PCSK5: variants seen among roughly 807,000 people sequenced by gnomAD.
The protein encoded by PCSK5 is prohormone convertase 5.
A neutral mutation model predicts 233.2 loss-of-function variants in PCSK5; 129 were observed. That is an observed-to-expected ratio of 0.55 (90% CI 0.48 to 0.64). The LOEUF is 0.64. PCSK5 is among the 30% of genes least tolerant of loss of function. The pLI is 0.00. For synonymous variants in PCSK5, 825 were observed against 879.2 expected, an observed-to-expected ratio of 0.94 and a Z score of 1.09; for missense variants, 2,076 against 2,430.1, an observed-to-expected ratio of 0.85 and a Z score of 3.06.
At chr9:76,251,337 G>A (rs1826796517) in intron 24 of PCSK5, among the ~76,000 whole-genome samples, 1 of 152,054 alleles carries the variant, frequency 6.6e-6, no homozygotes, top group Non-Finnish European at 1.5e-5. Context: ...GCCAAGGCGG[G>A]TGGATCATGA....
intron 24 of PCSK5, among the ~76,000 whole-genome samples, chr9:76,282,396 T>G: frequency 6.8e-6 from 1 of 147,284 alleles, no homozygotes; most frequent in Non-Finnish European, 1.5e-5. Flanking sequence ...CTTGACTCAC[T>G]GCAGCCTTGA....
intron 8 of PCSK5, among the ~76,000 whole-genome samples, chr9:76,096,898 C>T (rs1391717959): frequency 6.6e-6 from 1 of 151,666 alleles, no homozygotes; most frequent in Non-Finnish European, 1.5e-5. Context: ...CACTGCGCCC[C>T]ACCAAAAGGT....
chr9:76,134,015 A>G, intron 9 of PCSK5, 94 bp from the exon 10 acceptor site: 4 of 817,618 alleles, frequency 4.9e-6, no homozygotes, highest in South Asian at 3.1e-5. Context: ...GTACTTTGCC[A>G]TTTTGATTTT....
At chr9:76,199,806 C>A (rs1245283573) in intron 20 of PCSK5, among the ~76,000 whole-genome samples, 1 of 152,112 alleles carries the variant, frequency 6.6e-6, no homozygotes, top group Non-Finnish European at 1.5e-5. Flanking sequence ...TCTCTTCCCT[C>A]AAGATTCACA....
intron 13 of PCSK5, 107 bp downstream of exon 13, chr9:76,169,947 G>A: frequency 2.3e-6 from 2 of 865,156 alleles, no homozygotes; most frequent in Non-Finnish European, 3.7e-6. Flanking sequence ...TTCTCATGTG[G>A]TTCATTTCAT....
At chr9:76,134,881 A>C (rs923773358) in intron 10 of PCSK5, among the ~76,000 whole-genome samples, 1 of 152,042 alleles carries the variant, frequency 6.6e-6, no homozygotes, top group Admixed American at 6.6e-5. Context: ...AATAAAAATA[A>C]AATTAGCTAT....
At chr9:75,937,710 A>T (rs1824120981) in intron 2 of PCSK5, among the ~76,000 whole-genome samples, 2 of 152,242 alleles carry the variant, frequency 1.3e-5, no homozygotes, top group South Asian at 4.1e-4. Context: ...TGTTTAGTGT[A>T]GCTGTCTTCA....
intron 7 of PCSK5, among the ~76,000 whole-genome samples, chr9:76,087,120 G>T (rs574025357): frequency 3.4e-4 from 52 of 152,266 alleles, no homozygotes; most frequent in Non-Finnish European, 6.5e-4. Context: ...TTGCTGTCAG[G>T]AGCCAAGGGT....
At chr9:76,309,866 G>A (rs1828812784) in intron 29 of PCSK5, among the ~76,000 whole-genome samples, 2 of 152,154 alleles carry the variant, frequency 1.3e-5, no homozygotes, top group South Asian at 4.1e-4. Flanking sequence ...GGAATCTTGG[G>A]TGTGAGAGTG....
chr9:76,245,462 G>A (rs1826561126), intron 24 of PCSK5, among the ~76,000 whole-genome samples: 1 of 152,184 alleles, frequency 6.6e-6, no homozygotes, highest in Non-Finnish European at 1.5e-5. Flanking sequence ...TTCAAGGAAG[G>A]CTTTTAAGAA....
chr9:76,167,748 G>C (rs1183555821), intron 12 of PCSK5, among the ~76,000 whole-genome samples: 1 of 152,098 alleles, frequency 6.6e-6, no homozygotes. Flanking sequence ...GTACAGAGAA[G>C]GTCAAATTAT....
At chr9:76,125,225 A>AT (rs942856911) in intron 9 of PCSK5, among the ~76,000 whole-genome samples, 19 of 152,308 alleles carry the variant, frequency 1.2e-4, no homozygotes, top group Admixed American at 1.0e-3. Context: ...GGGATGAGGG[A>AT]TAAACCTCCC....
At chr9:75,972,022 T>C (rs1391546241) in intron 2 of PCSK5, among the ~76,000 whole-genome samples, 2 of 152,218 alleles carry the variant, frequency 1.3e-5, no homozygotes, top group Non-Finnish European at 2.9e-5. Flanking sequence ...TGAATGGTAT[T>C]GCCTAGATTT....
intron 8 of PCSK5, among the ~76,000 whole-genome samples, chr9:76,100,278 G>T (rs1831700813): frequency 6.6e-6 from 1 of 152,194 alleles, no homozygotes; most frequent in Non-Finnish European, 1.5e-5. Flanking sequence ...TTTTAAAGTT[G>T]TATAACGAAA....
chr9:75,979,452 C>G (rs1398390882), intron 2 of PCSK5, among the ~76,000 whole-genome samples: 3 of 152,108 alleles, frequency 2.0e-5, no homozygotes, highest in African/African-American at 7.2e-5. Flanking sequence ...AACCTGTATC[C>G]CCCTTCTAGA....
intron 2 of PCSK5, among the ~76,000 whole-genome samples, chr9:75,970,338 G>A (rs17667600): frequency 0.025 from 3,753 of 152,288 alleles, 75 homozygotes; most frequent in Admixed American, 0.046. Context: ...TTCAGGCCTT[G>A]AACTTTATGT....
chr9:76,168,338 G>A (rs924148064), intron 12 of PCSK5, among the ~76,000 whole-genome samples: 3 of 152,052 alleles, frequency 2.0e-5, no homozygotes, highest in Admixed American at 1.3e-4. Flanking sequence ...TAGTAGAGAC[G>A]GGGTTTCACC....
At chr9:76,098,846 C>T (rs771919056) in intron 8 of PCSK5, among the ~76,000 whole-genome samples, 1 of 152,168 alleles carries the variant, frequency 6.6e-6, no homozygotes, top group Non-Finnish European at 1.5e-5. Flanking sequence ...ACTTAACCTT[C>T]CTGGGGCCTT....
At chr9:76,151,076 G>A (rs956297799) in intron 10 of PCSK5, among the ~76,000 whole-genome samples, 17 of 151,608 alleles carry the variant, frequency 1.1e-4, no homozygotes, top group Non-Finnish European at 2.4e-4. Context: ...TTGGGAAAGC[G>A]TCCCAGGTCC....
Sources: gnomAD v4.1 joint callset for allele counts (sites outside exome capture counted in the v4.1 genomes callset) on GRCh38, gnomAD v4.1.1 for gene constraint, MANE v1.5 for transcripts, NCBI Gene and HGNC (gene_info 2026-07-23, HGNC 2026-07-21) for gene names.